TINAGL1: variants seen among roughly 807,000 people sequenced by gnomAD.
TINAGL1 encodes the protein tubulointerstitial nephritis antigen like 1, also known as tubulointerstitial nephritis antigen-like.
Under a neutral mutation model 62.0 loss-of-function variants are expected in TINAGL1, and 34 were observed. That is an observed-to-expected ratio of 0.55 (90% CI 0.42 to 0.73). TINAGL1 has a LOEUF of 0.73. TINAGL1 is among the 30% of genes least tolerant of loss of function. The pLI is 0.00. For missense variants in TINAGL1, 516 were observed against 653.2 expected (o/e 0.79, Z 2.29); for synonymous variants, 221 against 249.7 (o/e 0.88, Z 1.08).
Position 31,577,125 on chromosome 1 carries a change from GC to G in TINAGL1, c.-15-3del, listed in dbSNP as rs778590401. The G allele has an allele frequency of 6.8e-7, 1 of 1,464,854 alleles. No homozygotes were observed. 90.7% of individuals were successfully genotyped at this position (1,464,854 alleles called of 1,614,324 possible). A position where few individuals can be genotyped will look rare whatever the true frequency, so the allele number is the denominator to read the frequency against. On this transcript the variant is annotated splice_polypyrimidine_tract_variant and splice_region_variant and intron_variant, in intron 1 of 11. Coordinates refer to ENST00000271064, the MANE Select transcript of TINAGL1 (RefSeq NM_022164.3). The surrounding 1 kb of genome is among the most constrained non-coding windows in gnomAD (Gnocchi z 5.4). ...GGAGTCTCTGCTGCCCACCATCTCTGCCCCCCAGGGCCCAGGAGCCACCATG... is the reference window on the plus strand; with the variant it reads ...GGAGTCTCTGCTGCCCACCATCTCTGCCCCCAGGGCCCAGGAGCCACCATG...
At chr1:31,579,394 C>CT in intron 3 of TINAGL1, 127 bp downstream of exon 3, 4 of 773,546 alleles carry the variant, frequency 5.2e-6, no homozygotes, top group Non-Finnish European at 4.4e-6. Context: ...TCAGTTTCCT[C>CT]ATCTGCAATA....
chr1:31,580,483 G>T (rs1237138361), intron 3 of TINAGL1: 1 of 1,289,278 alleles, frequency 7.8e-7, no homozygotes, highest in Admixed American at 2.3e-5. Flanking sequence ...AGTCTAGTCG[G>T]GTGCTGCTGC....
At chr1:31,580,427 GT>G in intron 3 of TINAGL1, 4 of 1,289,362 alleles carry the variant, frequency 3.1e-6, no homozygotes, top group Non-Finnish European at 4.0e-6. Context: ...GGGGGCGAGG[GT>G]GGGGGAGTGT....
chr1:31,586,817 C>T (rs773769099), intron 11 of TINAGL1, 22 bp from the exon 12 acceptor site: 2 of 1,544,022 alleles, frequency 1.3e-6, no homozygotes. Context: ...TTCCCCTTCT[C>T]ACCACCCCTC....
rs1441058758 is a variant in TINAGL1, at chr1:31,583,194, C to G, written c.420C>G (p.Cys140Trp). Reference sequence around the variant, plus strand: ...AGTGGCAGTGTGACCAAGAACCATGCCTGGTGGATCCAGACATGATCAAAG... The same window carrying G: ...AGTGGCAGTGTGACCAAGAACCATGGCTGGTGGATCCAGACATGATCAAAG... ...NRQWQCDQEP[C>W]LVDPDMIKAI... Residue 140 changes from cysteine to tryptophan, a missense_variant, in exon 4 of 12, where the codon TGC becomes TGG. Physicochemically the swap from Cys to Trp is radical, Grantham distance 215. Coordinates refer to ENST00000271064, the MANE Select transcript of TINAGL1 (RefSeq NM_022164.3). This position sits in a 1 kb window ranked among gnomAD's most constrained non-coding sequence, Gnocchi z 4.4. 6 of 1,614,188 alleles carry G rather than the reference C, an allele frequency of 3.7e-6. No individual in the cohort carries two copies. The highest frequency in any genetic ancestry group is 1.1e-5 in the South Asian group (1 of 91,084).
chr1:31,580,221 CTCTCTGTCTCTCTCTG>C, intron 3 of TINAGL1: 17 of 861,226 alleles, frequency 2.0e-5, no homozygotes, highest in Admixed American at 8.8e-5. Context: ...CTGTCTCTCT[CTCTCTGTCTCTCTCTG>C]TCTCTCTCTC....
chr1:31,583,527 G>A lies in TINAGL1; in HGVS notation c.534G>A (p.Leu178=). ...MTLDEGIRYR[L]GTIRPSSSVM... Reference sequence around the variant, plus strand: ...TGGATGAGGGCATTCGCTACCGCCTGGGCACCATCCGCCCATCTTCCTCGG... The same window carrying A: ...TGGATGAGGGCATTCGCTACCGCCTAGGCACCATCCGCCCATCTTCCTCGG... The change falls in exon 5 of 12, where the codon CTG becomes CTA. Residue 178 remains leucine, a synonymous_variant. Coordinates refer to ENST00000271064, the MANE Select transcript of TINAGL1 (RefSeq NM_022164.3). This position sits in a 1 kb window ranked among gnomAD's most constrained non-coding sequence, Gnocchi z 4.4. 6.2e-7 allele frequency: 1 copy of A among 1,614,008 alleles called. No individual in the cohort carries two copies. The highest frequency in any genetic ancestry group is 1.1e-5 in the South Asian group (1 of 91,054).
At chr1:31,580,980 A>C (rs770705952) in intron 3 of TINAGL1, among the ~76,000 whole-genome samples, 23 of 152,084 alleles carry the variant, frequency 1.5e-4, no homozygotes, top group Non-Finnish European at 3.2e-4. Flanking sequence ...CCCAGTTTAG[A>C]GTAGGGAGTG....
intron 3 of TINAGL1, chr1:31,580,534 G>C: frequency 7.8e-7 from 1 of 1,289,216 alleles, no homozygotes; most frequent in Non-Finnish European, 1.0e-6. Flanking sequence ...TGCAGAGAGG[G>C]AAAGGAAGGA....
At position 31,580,193 on chromosome 1, in the gene TINAGL1, C is replaced by G. The variant is rs1449344317; in HGVS notation, c.374+926C>G. ...TCTCTCTCTCTCTCTCTCTCTCTCT[C>G]TCTCTCTCTCTCTCTCTCTGTCTCT... On this transcript the variant is annotated intron_variant, in intron 3 of 11. Coordinates refer to ENST00000271064, the MANE Select transcript of TINAGL1 (RefSeq NM_022164.3). The G allele has an allele frequency of 5.1e-4, 216 of 423,172 alleles. 1 individual carries two copies. The highest frequency in any genetic ancestry group is 6.8e-4 in the African/African-American group (20 of 29,544). 26.2% of individuals were successfully genotyped at this position (423,172 alleles called of 1,614,324 possible).
chr1:31,576,949 A>C lies in TINAGL1; in HGVS notation c.-15-185A>C. ...TCAGGGAGGGGCTCCGTTTCTGCCC[A>C]GTCCCCATCCCCCTATAGCCAGGGC... is the stretch of plus-strand genomic sequence containing the variant. On this transcript the variant is annotated intron_variant, in intron 1 of 11. Coordinates refer to ENST00000271064, the MANE Select transcript of TINAGL1 (RefSeq NM_022164.3). This position sits in a 1 kb window ranked among gnomAD's most constrained non-coding sequence, Gnocchi z 5.1. 1 of 554,050 alleles carries C rather than the reference A, an allele frequency of 1.8e-6. No homozygotes were observed. The highest frequency in any genetic ancestry group is 3.1e-6 in the Non-Finnish European group (1 of 323,570). The allele number at this position is 554,050 out of a possible 1,614,324, so 34.3% of individuals were successfully genotyped here.
chr1:31,580,655 C>T (rs1215853469), intron 3 of TINAGL1: 1 of 1,289,066 alleles, frequency 7.8e-7, no homozygotes, highest in Admixed American at 2.3e-5. Flanking sequence ...CCCCTTGAGG[C>T]TCCTTAAAAG....
chr1:31,585,190 A>G lies in TINAGL1; in HGVS notation c.897A>G (p.Glu299=). The G allele has an allele frequency of 6.2e-7, 1 of 1,600,414 alleles. No individual in the cohort carries two copies. Among genetic ancestry groups the G allele is most frequent in the Non-Finnish European group, 8.5e-7 (1 of 1,172,400 alleles). The change falls in exon 8 of 12, where the codon GAA becomes GAG. Residue 299 remains glutamate, a synonymous_variant. Coordinates refer to ENST00000271064, the MANE Select transcript of TINAGL1 (RefSeq NM_022164.3). The surrounding 1 kb of genome is among the most constrained non-coding windows in gnomAD (Gnocchi z 4.3). ...ACTGCTACCCCTTCTCGGGCCGTGA[A>G]CGAGACGAGGCTGGCCCTGCGCCCC... ...SDHCYPFSGR[E]RDEAGPAPPC...
chr1:31,578,433 TG>T lies in TINAGL1; in HGVS notation c.311-769del, dbSNP rs1156849684. Among the ~76,000 whole-genome samples the T allele has an allele frequency of 8.5e-4, 74 of 86,666 alleles. No individual in the cohort carries two copies. In the Middle Eastern group the frequency reaches 0.026, roughly 31 times the overall value. The allele number at this position is 86,666 out of a possible 152,430, so 56.9% of individuals were successfully genotyped here. On this transcript the variant is annotated intron_variant, in intron 2 of 11. Transcript: ENST00000271064. The stretch of plus-strand genomic sequence containing the variant: ...GTTATAGTTTAATTTTAGTGACAGC[TG>T]GTGTGTGTGTGTGTGTGTGTGTGTG...
rs760840165 is a variant in TINAGL1, at chr1:31,584,818, G to A, written c.706+17G>A. 3.7e-6 allele frequency: 6 copies of A among 1,614,242 alleles called. No homozygotes were observed. The highest frequency in any genetic ancestry group is 4.2e-6 in the Non-Finnish European group (5 of 1,180,024). On this transcript the variant is annotated intron_variant, in intron 6 of 11. Coordinates refer to ENST00000271064, the MANE Select transcript of TINAGL1 (RefSeq NM_022164.3). The surrounding 1 kb of genome is among the most constrained non-coding windows in gnomAD (Gnocchi z 4.0). ...CCACAGCAGGTAAGCCAAGGGCAAG[G>A]GCTGGCGCCTGGGAGAGGAGGGCCA...
Position 31,583,121 on chromosome 1 carries a change from C to A in TINAGL1, c.375-28C>A, listed in dbSNP as rs1214971729. The stretch of plus-strand genomic sequence containing the variant: ...CAAAGTATCCCCAGTCCCCCACTTA[C>A]CCTTTCCTTCTCTCCTTTTCTCACC... On this transcript the variant is annotated intron_variant, in intron 3 of 11. Coordinates refer to ENST00000271064, the MANE Select transcript of TINAGL1 (RefSeq NM_022164.3). The surrounding 1 kb of genome is among the most constrained non-coding windows in gnomAD (Gnocchi z 4.4). 6.2e-7 allele frequency: 1 copy of A among 1,609,572 alleles called. No individual in the cohort carries two copies. The highest frequency in any genetic ancestry group is 1.7e-5 in the Admixed American group (1 of 60,022).
At position 31,584,466 on chromosome 1, in the gene TINAGL1, C is replaced by A. The variant is rs3738006; in HGVS notation, c.583-212C>A. ...ACTAGTCACCACCGCCACCCCGCCC[C>A]GCCCCACCACCTGATACCTGGGAGG... On this transcript the variant is annotated intron_variant, in intron 5 of 11. Transcript: ENST00000271064. This position sits in a 1 kb window ranked among gnomAD's most constrained non-coding sequence, Gnocchi z 4.0. 3 of 631,848 alleles carry A rather than the reference C, an allele frequency of 4.7e-6. No individual in the cohort carries two copies. Among genetic ancestry groups the A allele is most frequent in the South Asian group, 3.9e-5 (2 of 50,828 alleles). 39.1% of individuals were successfully genotyped at this position (631,848 alleles called of 1,614,324 possible).
intron 3 of TINAGL1, among the ~76,000 whole-genome samples, chr1:31,581,610 T>C (rs893358634): frequency 2.6e-5 from 4 of 152,182 alleles, no homozygotes; most frequent in Non-Finnish European, 5.9e-5. Context: ...AGAAGGTCAG[T>C]GGGATATGAG....
At position 31,581,696 on chromosome 1, in the gene TINAGL1, A is replaced by G. The variant is rs1296578621; in HGVS notation, c.375-1453A>G. ...TAGTAGATATTAATTCTGAGCACTT[A>G]ATGATGGACCAGGCCCAGTGCTAAA... On this transcript the variant is annotated intron_variant, in intron 3 of 11. Transcript: ENST00000271064. 3.9e-5 allele frequency among the ~76,000 whole-genome samples: 6 copies of G among 152,306 alleles called. No individual in the cohort carries two copies. The East Asian group carries it at 1.2e-3, about 29-fold the overall frequency.
Sources: gnomAD v4.1 joint callset for allele counts (sites outside exome capture counted in the v4.1 genomes callset) on GRCh38, gnomAD v4.1.1 for gene constraint, Gnocchi (gnomAD v3.1) non-coding constraint, MANE v1.5 for transcripts, NCBI Gene and HGNC (gene_info 2026-07-23, HGNC 2026-07-21) for gene names.